Variants in TBC1D1 observed in about 807,000 individuals in gnomAD.
The protein encoded by TBC1D1 is TBC1 (tre-2/USP6, BUB2, cdc16) domain family, member 1.
TBC1D1 carries 89 observed loss-of-function variants against 125.6 expected under a neutral mutation model. The ratio of observed to expected loss-of-function variants is 0.71; its 90% CI spans 0.60 to 0.85. The LOEUF is 0.85. TBC1D1 is among the 40% of genes least tolerant of loss of function. TBC1D1 has a pLI of 0.00. For synonymous variants in TBC1D1, 565 were observed against 564.1 expected, an observed-to-expected ratio of 1.00 and a Z score of -0.02; for missense variants, 1,377 against 1,469.2, an observed-to-expected ratio of 0.94 and a Z score of 1.03.
intron 2 of TBC1D1, among the ~76,000 whole-genome samples, chr4:38,000,757 A>G (rs932614993): frequency 2.6e-5 from 4 of 152,176 alleles, no homozygotes; most frequent in Non-Finnish European, 5.9e-5. Context: ...ACCTGAAGTT[A>G]GCACAGACCC....
intron 7 of TBC1D1, chr4:38,030,431 C>T (rs1560652248): frequency 6.6e-6 from 1 of 152,220 alleles, no homozygotes; most frequent in Admixed American, 6.5e-5. Context: ...TTTGAAAAGC[C>T]GGCTCTCGCC....
At chr4:37,996,006 A>G (rs1021465196) in intron 2 of TBC1D1, 14 of 526,072 alleles carry the variant, frequency 2.7e-5, no homozygotes, top group African/African-American at 2.5e-4. Context: ...GGGTTCTGGG[A>G]TGGGGATGTC....
At chr4:38,104,125 G>A (rs1265372740) in intron 15 of TBC1D1, among the ~76,000 whole-genome samples, 1 of 127,382 alleles carries the variant, frequency 7.9e-6, no homozygotes, top group Non-Finnish European at 1.6e-5. Flanking sequence ...ATGCCACTAC[G>A]CTCCAGCCTG....
intron 7 of TBC1D1, chr4:38,030,473 C>T (rs1745917710): frequency 6.6e-6 from 1 of 152,204 alleles, no homozygotes; most frequent in Admixed American, 6.5e-5. Context: ...GTGGCTGTTC[C>T]TTGAGTGATA....
At chr4:37,895,084 G>T (rs1172875722) in intron 1 of TBC1D1, among the ~76,000 whole-genome samples, 1 of 152,184 alleles carries the variant, frequency 6.6e-6, no homozygotes, top group African/African-American at 2.4e-5. Context: ...GCAAACTCTG[G>T]AGCCAAAGGG....
chr4:37,965,131 T>A (rs1219597513), intron 2 of TBC1D1, among the ~76,000 whole-genome samples: 1 of 152,242 alleles, frequency 6.6e-6, no homozygotes. Flanking sequence ...GAATAAGTAA[T>A]ACCTTGCAGC....
intron 11 of TBC1D1, 31 bp from the exon 12 acceptor site, chr4:38,051,867 AC>A (rs764190558): frequency 3.7e-5 from 56 of 1,516,334 alleles, no homozygotes; most frequent in African/African-American, 2.4e-4. Flanking sequence ...TCTCCTGCTA[AC>A]CCCCCCGTGC....
At chr4:38,056,607 G>A (rs777607988) in intron 12 of TBC1D1, among the ~76,000 whole-genome samples, 29 of 152,180 alleles carry the variant, frequency 1.9e-4, no homozygotes, top group Admixed American at 5.2e-4. Context: ...CCAGGAGTTC[G>A]AGGCCACCCT....
In TBC1D1 at chr4:38,091,124, A is replaced by G. The variant is rs188482120; in HGVS notation, c.2236+1007A>G. On this transcript the variant is annotated intron_variant, in intron 13 of 19. Transcript: ENST00000261439. Reference sequence around the variant, plus strand: ...TATGACAACACTGTGTACGAGCAACATAGTTTCTGCAGTTGAAAAGTACGA... The same window carrying G: ...TATGACAACACTGTGTACGAGCAACGTAGTTTCTGCAGTTGAAAAGTACGA... 5.8e-3 allele frequency among the ~76,000 whole-genome samples: 883 copies of G among 152,374 alleles called. 24 individuals are homozygous for G. The highest frequency in any genetic ancestry group is 3.4e-3 in the Non-Finnish European group (232 of 68,038).
Position 38,076,504 on chromosome 4 carries a change from C to T in TBC1D1, c.2051-13428C>T, listed in dbSNP as rs28529180. ...CTTCTGAGCCCTATTCCTACTTGGGCATGCTTAGGCACTTCAGCATCTGCA... is the reference window on the plus strand; with the variant it reads ...CTTCTGAGCCCTATTCCTACTTGGGTATGCTTAGGCACTTCAGCATCTGCA... On this transcript the variant is annotated intron_variant, in intron 12 of 19. Coordinates refer to ENST00000261439, the MANE Select transcript of TBC1D1 (RefSeq NM_015173.4). Among the ~76,000 whole-genome samples, 1,029 of 152,244 alleles carry T rather than the reference C, an allele frequency of 6.8e-3. 11 individuals carry two copies. Among genetic ancestry groups the T allele is most frequent in the African/African-American group, 0.023 (972 of 41,548 alleles).
chr4:37,953,093 T>C (rs1053310191), intron 2 of TBC1D1, among the ~76,000 whole-genome samples: 19 of 152,372 alleles, frequency 1.2e-4, no homozygotes, highest in East Asian at 9.6e-4. Context: ...CACTGTGGCA[T>C]GCAGACATTT....
intron 7 of TBC1D1, 126 bp from the exon 8 acceptor site, chr4:38,035,462 C>A: frequency 1.4e-6 from 1 of 691,680 alleles, no homozygotes; most frequent in Non-Finnish European, 2.4e-6. Flanking sequence ...TCATTGGTGC[C>A]CCCTGGTGAG....
At chr4:38,038,823 G>A (rs1389278934) in intron 8 of TBC1D1, among the ~76,000 whole-genome samples, 1 of 151,926 alleles carries the variant, frequency 6.6e-6, no homozygotes, top group East Asian at 1.9e-4. Context: ...GCGGGTGCCT[G>A]TAGTCCCAGC....
chr4:38,090,331 C>G (rs1758220963), intron 13 of TBC1D1, among the ~76,000 whole-genome samples: 1 of 152,186 alleles, frequency 6.6e-6, no homozygotes, highest in South Asian at 2.1e-4. Context: ...CATTATTCCT[C>G]TATGGTCACT....
At chr4:37,912,470 G>A (rs1718827238) in intron 2 of TBC1D1, among the ~76,000 whole-genome samples, 1 of 152,320 alleles carries the variant, frequency 6.6e-6, no homozygotes, top group South Asian at 2.1e-4. Context: ...GGAAGGAAGG[G>A]CTAAGGCCAG....
At chr4:38,109,233 T>C (rs1442153904) in intron 15 of TBC1D1, among the ~76,000 whole-genome samples, 1 of 152,228 alleles carries the variant, frequency 6.6e-6, no homozygotes, top group Admixed American at 6.5e-5. Flanking sequence ...TTGAGGAGCC[T>C]AATGAATTCT....
chr4:38,097,426 G>A (rs1759550591), intron 14 of TBC1D1, among the ~76,000 whole-genome samples: 1 of 150,870 alleles, frequency 6.6e-6, no homozygotes, highest in Non-Finnish European at 1.5e-5. Context: ...TGCAAGCTCT[G>A]CCTCCCGGGT....
chr4:38,053,128 C>A, intron 11 of TBC1D1: 1 of 1,523,790 alleles, frequency 6.6e-7, no homozygotes, highest in Non-Finnish European at 8.8e-7. Flanking sequence ...TAATGCCCTG[C>A]GGAAAAAACT....
At chr4:38,110,970 G>A (rs981727767) in intron 15 of TBC1D1, among the ~76,000 whole-genome samples, 2 of 152,240 alleles carry the variant, frequency 1.3e-5, no homozygotes, top group African/African-American at 2.4e-5. Flanking sequence ...GCAACAAACA[G>A]TAAACAGTCT....
Sources: gnomAD v4.1 joint callset for allele counts (sites outside exome capture counted in the v4.1 genomes callset) on GRCh38, gnomAD v4.1.1 for gene constraint, MANE v1.5 for transcripts, NCBI Gene and HGNC (gene_info 2026-07-23, HGNC 2026-07-21) for gene names.